Variants in WNT3 observed in about 807,000 individuals in gnomAD.
WNT3 encodes Wnt family member 3.
Under a neutral mutation model 34.2 loss-of-function variants are expected in WNT3, and 7 were observed. The observed-to-expected ratio is 0.20, with a 90% CI of 0.12 to 0.38. The LOEUF (loss-of-function observed/expected upper bound fraction) is 0.38, where lower values mean the gene tolerates loss of function less well. Among genes scored for constraint, WNT3 ranks in the 10% least tolerant of loss-of-function variants. The pLI, the probability that WNT3 is intolerant of heterozygous loss-of-function variation, is 1.00. For synonymous variants in WNT3, 212 were observed against 211.5 expected, an observed-to-expected ratio of 1.00 and a Z score of -0.02; for missense variants, 267 against 499.8, an observed-to-expected ratio of 0.53 and a Z score of 4.44.
At chr17:46,800,805 C>G (rs529450884) in intron 1 of WNT3, among the ~76,000 whole-genome samples, 4 of 152,244 alleles carry the variant, frequency 2.6e-5, no homozygotes, top group African/African-American at 9.6e-5. Context: ...ACAGTCTAGT[C>G]CATGAAATAG....
chr17:46,801,346 A>G (rs2084122428), intron 1 of WNT3, among the ~76,000 whole-genome samples: 1 of 152,228 alleles, frequency 6.6e-6, no homozygotes, highest in African/African-American at 2.4e-5. Flanking sequence ...GTGGCCGGGC[A>G]CGGTGGCTCA....
At chr17:46,765,994 G>A (rs747619248) in intron 4 of WNT3, among the ~76,000 whole-genome samples, 20 of 152,192 alleles carry the variant, frequency 1.3e-4, no homozygotes, top group African/African-American at 2.7e-4. Flanking sequence ...AAGGGGTTCC[G>A]GGTAGGAACC....
At chr17:46,803,572 CT>C (rs574321083) in intron 1 of WNT3, among the ~76,000 whole-genome samples, 53 of 152,218 alleles carry the variant, frequency 3.5e-4, no homozygotes, top group Non-Finnish European at 6.6e-4. Context: ...ATCCTCCTAT[CT>C]TGGCAAAAAC....
At chr17:46,765,129 A>G (rs570676669) in intron 4 of WNT3, among the ~76,000 whole-genome samples, 2 of 152,370 alleles carry the variant, frequency 1.3e-5, no homozygotes, top group East Asian at 1.9e-4. Context: ...TTGCATAGTC[A>G]TATCTCACAA....
intron 1 of WNT3, among the ~76,000 whole-genome samples, chr17:46,814,520 C>T (rs1327449870): frequency 1.3e-5 from 2 of 152,200 alleles, no homozygotes; most frequent in African/African-American, 4.8e-5. Context: ...AGGGAAAGGT[C>T]TGCCCTGGAA....
intron 4 of WNT3, among the ~76,000 whole-genome samples, chr17:46,765,351 A>C (rs947272958): frequency 6.6e-6 from 1 of 152,244 alleles, no homozygotes; most frequent in African/African-American, 2.4e-5. Context: ...CACCATGTTC[A>C]CAACAGCAGA....
rs1245633867 is a variant in WNT3, at chr17:46,779,100, CA to C, written c.81-5192del. Among the ~76,000 whole-genome samples, 53 of 144,790 alleles carry C rather than the reference CA, an allele frequency of 3.7e-4. 2 individuals carry two copies. The East Asian group carries it at 5.2e-3, about 14-fold the overall frequency. The allele number at this position is 144,790 out of a possible 152,430, so 95.0% of individuals were successfully genotyped here. A position where few individuals can be genotyped will look rare whatever the true frequency, so the allele number is the denominator to read the frequency against. On this transcript the variant is annotated intron_variant, in intron 1 of 4. Coordinates refer to ENST00000225512, the MANE Select transcript of WNT3 (RefSeq NM_030753.5). ...ACACACACACACACACACACACACA[CA>C]CACCCCAGCCCACTCGGCCTTCCAA...
intron 1 of WNT3, among the ~76,000 whole-genome samples, chr17:46,776,917 C>T (rs990089816): frequency 1.3e-5 from 2 of 152,194 alleles, no homozygotes; most frequent in Non-Finnish European, 2.9e-5. Flanking sequence ...TCCTTCCTCC[C>T]CCTCTCCCAG....
At chr17:46,800,908 G>A (rs1161793825) in intron 1 of WNT3, among the ~76,000 whole-genome samples, 2 of 152,222 alleles carry the variant, frequency 1.3e-5, no homozygotes, top group African/African-American at 4.8e-5. Flanking sequence ...AGACTGAACA[G>A]GAGTTTGTAG....
intron 1 of WNT3, among the ~76,000 whole-genome samples, chr17:46,805,284 G>A (rs1278083381): frequency 6.6e-6 from 1 of 151,694 alleles, no homozygotes; most frequent in Non-Finnish European, 1.5e-5. Flanking sequence ...CAAAAAAAAA[G>A]AAAAAAGGCT....
chr17:46,770,413 C>T (rs1232426305), intron 2 of WNT3, among the ~76,000 whole-genome samples: 1 of 152,188 alleles, frequency 6.6e-6, no homozygotes, highest in East Asian at 1.9e-4. Flanking sequence ...CTCCACCTTC[C>T]CAAAGTCCAG....
chr17:46,815,109 G>A (rs962562757), intron 1 of WNT3, among the ~76,000 whole-genome samples: 1 of 152,078 alleles, frequency 6.6e-6, no homozygotes, highest in Non-Finnish European at 1.5e-5. Context: ...CCATCTGCAC[G>A]TCCATCGCTG....
rs1028789146 is a variant in WNT3 at position 46,763,027 on chromosome 17, T to C, written c.*1603A>G. The C allele has an allele frequency of 6.6e-6, 1 of 152,052 alleles. No individual in the cohort carries two copies. The highest frequency in any genetic ancestry group is 1.5e-5 in the Non-Finnish European group (1 of 68,000). 9.4% of individuals were successfully genotyped at this position (152,052 alleles called of 1,614,324 possible). On this transcript the variant is annotated 3_prime_UTR_variant, in exon 5 of 5. Transcript: ENST00000225512. The stretch of plus-strand genomic sequence containing the variant: ...TTCAGACTTGGCGGAGGGGGTGAGA[T>C]GTGTATCTTTAGCAGGGCTTGTGGC...
chr17:46,809,825 T>C (rs1374565919), intron 1 of WNT3, among the ~76,000 whole-genome samples: 1 of 152,024 alleles, frequency 6.6e-6, no homozygotes, highest in Admixed American at 6.6e-5. Context: ...CCAGGGGCTC[T>C]CCAGTGAGCA....
At chr17:46,794,076 G>A (rs1481598908) in intron 1 of WNT3, among the ~76,000 whole-genome samples, 1 of 152,180 alleles carries the variant, frequency 6.6e-6, no homozygotes, top group Non-Finnish European at 1.5e-5. Flanking sequence ...GGGAACAGCA[G>A]GAGGTTAGCA....
chr17:46,799,976 C>T (rs116332759), intron 1 of WNT3, among the ~76,000 whole-genome samples: 2,279 of 152,250 alleles, frequency 0.015, 16 homozygotes, highest in South Asian at 0.021. Flanking sequence ...AGGTTAGATG[C>T]CCAGAGCCGG....
chr17:46,787,416 C>T (rs1046448266), intron 1 of WNT3, among the ~76,000 whole-genome samples: 7 of 152,128 alleles, frequency 4.6e-5, no homozygotes, highest in Non-Finnish European at 8.8e-5. Context: ...CAAAGCTAAG[C>T]GGGACCTTTG....
At chr17:46,779,514 C>T (rs1338169739) in intron 1 of WNT3, among the ~76,000 whole-genome samples, 1 of 152,202 alleles carries the variant, frequency 6.6e-6, no homozygotes, top group Non-Finnish European at 1.5e-5. Flanking sequence ...CCAGCTGGGC[C>T]GAGGACACAC....
chr17:46,806,045 T>C (rs1394011061), intron 1 of WNT3, among the ~76,000 whole-genome samples: 1 of 152,196 alleles, frequency 6.6e-6, no homozygotes, highest in Non-Finnish European at 1.5e-5. Flanking sequence ...GATGAGCTAA[T>C]GTGTGTGCTT....
Sources: allele counts gnomAD v4.1 joint callset (sites outside exome capture counted in the v4.1 genomes callset), GRCh38; gene constraint gnomAD v4.1.1; transcripts MANE v1.5; gene names NCBI Gene and HGNC (gene_info 2026-07-23, HGNC 2026-07-21).